The following MARCHF1 variants were observed in gnomAD, a reference collection of about 807,000 sequenced individuals.
MARCHF1 encodes membrane associated ring-CH-type finger 1.
Under a neutral mutation model 54.2 loss-of-function variants are expected in MARCHF1, and 40 were observed. The observed-to-expected ratio is 0.74, with a 90% CI of 0.57 to 0.96. The LOEUF (loss-of-function observed/expected upper bound fraction) is 0.96. MARCHF1 is among the 40% of genes least tolerant of loss of function. The pLI is 0.00. For synonymous variants in MARCHF1, 236 were observed against 236.3 expected (o/e 1.00, Z 0.01); for missense variants, 586 against 656.5 (o/e 0.89, Z 1.17).
At chr4:164,313,276 G>C (rs1054710256) in intron 1 of MARCHF1, among the ~76,000 whole-genome samples, 1 of 148,758 alleles carries the variant, frequency 6.7e-6, no homozygotes, top group Non-Finnish European at 1.5e-5. Flanking sequence ...GTGAACCTGG[G>C]AGGCAGAGCA....
chr4:164,048,049 G>A (rs1317220039), intron 2 of MARCHF1, among the ~76,000 whole-genome samples: 1 of 151,912 alleles, frequency 6.6e-6, no homozygotes, highest in African/African-American at 2.4e-5. Flanking sequence ...TTAAGCAAAA[G>A]TCAAAACAAA....
intron 1 of MARCHF1, among the ~76,000 whole-genome samples, chr4:164,380,888 T>A (rs925030540): frequency 2.6e-5 from 4 of 152,190 alleles, no homozygotes; most frequent in Non-Finnish European, 2.9e-5. Context: ...GAATTTGAAT[T>A]ACACCATGAA....
intron 1 of MARCHF1, among the ~76,000 whole-genome samples, chr4:164,298,386 A>AC (rs145093651): frequency 0.028 from 4,333 of 152,140 alleles, 123 homozygotes; most frequent in East Asian, 0.15. Context: ...CAAAAAAAAA[A>AC]CCTATGGTCT....
intron 1 of MARCHF1, among the ~76,000 whole-genome samples, chr4:164,283,300 C>T (rs377316020): frequency 2.7e-5 from 4 of 150,806 alleles, no homozygotes; most frequent in Admixed American, 6.7e-5. Flanking sequence ...TTTTATTCAC[C>T]CACTCCCTAG....
Position 163,612,915 on chromosome 4 carries a change from T to C in MARCHF1, c.366A>G (p.Arg122=), listed in dbSNP as rs532308926. The change falls in exon 7 of 10, where the codon AGA becomes AGG. Residue 122 remains arginine (R), a synonymous_variant. Coordinates refer to ENST00000514618, the MANE Select transcript of MARCHF1 (RefSeq NM_001394959.1). ...CATGCTCATATCTCTCAGAGGCTTT[T>C]CTCCTCCTCCTAGGTCTTTGTATTA... The part of the protein sequence containing the change: ...KSVIQRPRRR[R]KASERYEHAA... The C allele has an allele frequency of 1.3e-6, 2 of 1,535,480 alleles. No homozygotes were observed. The highest frequency in any genetic ancestry group is 1.4e-5 in the African/African-American group (1 of 73,106).
chr4:163,832,367 A>G (rs991452940), intron 4 of MARCHF1, among the ~76,000 whole-genome samples: 3 of 152,148 alleles, frequency 2.0e-5, no homozygotes, highest in African/African-American at 7.2e-5. Context: ...TCAAGCTTCT[A>G]TCGTTTGTAT....
intron 2 of MARCHF1, among the ~76,000 whole-genome samples, chr4:164,028,265 T>G (rs542440609): frequency 3.3e-4 from 50 of 152,300 alleles, no homozygotes; most frequent in African/African-American, 1.1e-3. Context: ...AGAAGACACA[T>G]GCATTTGTAT....
intron 1 of MARCHF1, among the ~76,000 whole-genome samples, chr4:164,299,829 C>T (rs1734504753): frequency 1.3e-5 from 2 of 152,060 alleles, no homozygotes; most frequent in Admixed American, 1.3e-4. Context: ...TTTTATGTTA[C>T]TTAGTTTTCT....
chr4:163,820,909 C>T lies in MARCHF1; in HGVS notation c.111+33112G>A, dbSNP rs556630348. ...GATCTTGTCCCATTTATAGTGTGGG[C>T]TGAGCTTTTAAAAATGCAAACATAA... On this transcript the variant is annotated intron_variant, in intron 4 of 9. Transcript: ENST00000514618. Among the ~76,000 whole-genome samples, 3 of 152,126 alleles carry T rather than the reference C, an allele frequency of 2.0e-5. 1 individual carries two copies. In the South Asian group the frequency reaches 6.2e-4, roughly 32 times the overall value.
At chr4:164,123,632 C>G (rs1756122048) in intron 1 of MARCHF1, among the ~76,000 whole-genome samples, 1 of 151,460 alleles carries the variant, frequency 6.6e-6, no homozygotes, top group African/African-American at 2.4e-5. Flanking sequence ...ATCGAGTATG[C>G]AGAAACAAAT....
intron 3 of MARCHF1, among the ~76,000 whole-genome samples, chr4:163,943,687 A>C (rs568189977): frequency 6.7e-6 from 1 of 149,276 alleles, no homozygotes; most frequent in African/African-American, 2.5e-5. Context: ...ACAAACCCCC[A>C]TGAGAGAAGT....
chr4:164,270,728 A>T (rs1342070946), intron 1 of MARCHF1, among the ~76,000 whole-genome samples: 1 of 152,196 alleles, frequency 6.6e-6, no homozygotes. Context: ...CCTAACAAAC[A>T]TCTCATGATA....
At chr4:163,611,371 G>A (rs927740796) in intron 7 of MARCHF1, among the ~76,000 whole-genome samples, 4 of 151,974 alleles carry the variant, frequency 2.6e-5, no homozygotes, top group South Asian at 2.1e-4. Context: ...TCTGGGTCAC[G>A]TAATTCACAC....
At chr4:163,646,651 G>A (rs148501857) in intron 5 of MARCHF1, among the ~76,000 whole-genome samples, 187 of 152,202 alleles carry the variant, frequency 1.2e-3, no homozygotes, top group African/African-American at 4.5e-3. Flanking sequence ...TATGCGGGGA[G>A]TAAAAATGTA....
In MARCHF1 at chr4:164,197,412, G is replaced by A. The variant is rs1190251060; in HGVS notation, c.-322-85750C>T. 6 of 1,613,344 alleles carry A rather than the reference G, an allele frequency of 3.7e-6. No homozygotes were observed. The African/African-American group carries it at 5.3e-5, about 14-fold the overall frequency. On this transcript the variant is annotated intron_variant, in intron 1 of 9. Transcript: ENST00000514618. ...CTAACTGTTTCAGTGGCTCTATTGT[G>A]CTGAGGTCTTTAATTTTGTTGCCAC...
intron 3 of MARCHF1, chr4:163,932,880 A>C: frequency 1.6e-6 from 1 of 632,590 alleles, no homozygotes; most frequent in East Asian, 3.9e-5. Context: ...TCTGAAAATG[A>C]AGGGTGATTA....
chr4:164,215,893 G>A (rs1731917472), intron 1 of MARCHF1, among the ~76,000 whole-genome samples: 1 of 152,068 alleles, frequency 6.6e-6, no homozygotes, highest in Non-Finnish European at 1.5e-5. Flanking sequence ...AGAAAATTCG[G>A]AACTTTTTAT....
intron 1 of MARCHF1, among the ~76,000 whole-genome samples, chr4:164,323,720 G>A (rs962821241): frequency 6.6e-6 from 1 of 151,110 alleles, no homozygotes; most frequent in East Asian, 1.9e-4. Flanking sequence ...TGAAATTACG[G>A]CAGTAAATTT....
intron 1 of MARCHF1, among the ~76,000 whole-genome samples, chr4:164,223,839 T>C (rs112767958): frequency 2.0e-5 from 3 of 151,582 alleles, no homozygotes; most frequent in African/African-American, 7.3e-5. Flanking sequence ...TCTTAGACAA[T>C]AGTCATTCAC....
Sources: gnomAD v4.1 joint callset for allele counts (sites outside exome capture counted in the v4.1 genomes callset) on GRCh38, gnomAD v4.1.1 for gene constraint, MANE v1.5 for transcripts, NCBI Gene and HGNC (gene_info 2026-07-23, HGNC 2026-07-21) for gene names.